Variants in VANGL1 observed in about 807,000 individuals in gnomAD.
The protein encoded by VANGL1 is vang-like protein 1.
A neutral mutation model predicts 48.4 loss-of-function variants in VANGL1; 18 were observed. The ratio of observed to expected loss-of-function variants is 0.37; its 90% CI spans 0.26 to 0.55. The LOEUF is 0.55. VANGL1 is among the 20% of genes least tolerant of loss of function. The pLI, the probability that VANGL1 is intolerant of heterozygous loss-of-function variation, is 0.81. For missense variants in VANGL1, 667 were observed against 675.8 expected, an observed-to-expected ratio of 0.99 and a Z score of 0.14; for synonymous variants, 257 against 261.8, an observed-to-expected ratio of 0.98 and a Z score of 0.18.
At chr1:115,655,481 A>T (rs1164739621) in intron 2 of VANGL1, among the ~76,000 whole-genome samples, 1 of 152,158 alleles carries the variant, frequency 6.6e-6, no homozygotes, top group Non-Finnish European at 1.5e-5. Flanking sequence ...CCTGCCCCTC[A>T]CACAACACGC....
intron 3 of VANGL1, among the ~76,000 whole-genome samples, chr1:115,662,615 C>T (rs1652601879): frequency 6.6e-6 from 1 of 152,154 alleles, no homozygotes; most frequent in East Asian, 1.9e-4. Context: ...CTGGTTGTTT[C>T]TATGCCCTTG....
Position 115,676,137 on chromosome 1 carries a change from G to A in VANGL1, c.813-6227G>A, listed in dbSNP as rs1653157547. On this transcript the variant is annotated intron_variant, in intron 4 of 7. Transcript: ENST00000355485. ...TCTCAACAACCACATGCAGTGGTTG[G>A]TGTTATCTCTTTATCAAAAGCCAAG... is the stretch of plus-strand genomic sequence containing the variant. Among the ~76,000 whole-genome samples, 2 of 152,102 alleles carry A rather than the reference G, an allele frequency of 1.3e-5. 1 individual carries two copies. The highest frequency in any genetic ancestry group is 4.2e-4 in the South Asian group (2 of 4,818).
chr1:115,694,140 A>C lies in VANGL1; in HGVS notation c.*2761A>C, dbSNP rs1653949315. 1 of 152,234 alleles carries C rather than the reference A, an allele frequency of 6.6e-6. No individual in the cohort carries two copies. Among genetic ancestry groups the C allele is most frequent in the Non-Finnish European group, 1.5e-5 (1 of 68,042 alleles). 9.4% of individuals were successfully genotyped at this position (152,234 alleles called of 1,614,324 possible). ...GTTAAAAAGTTCTGTATGCATTCTC[A>C]GAGAGGATTTTAAAGCTATATAGTT... On this transcript the variant is annotated 3_prime_UTR_variant, in exon 8 of 8. Transcript: ENST00000355485.
intron 1 of VANGL1, among the ~76,000 whole-genome samples, chr1:115,650,462 G>A (rs1255669543): frequency 6.6e-6 from 1 of 152,160 alleles, no homozygotes; most frequent in African/African-American, 2.4e-5. Flanking sequence ...AGACCCAGGA[G>A]CCTGCAAATA....
intron 2 of VANGL1, among the ~76,000 whole-genome samples, chr1:115,658,272 A>G (rs1652417379): frequency 6.6e-6 from 1 of 152,224 alleles, no homozygotes; most frequent in South Asian, 2.1e-4. Flanking sequence ...TCTTAAGCTA[A>G]GTAGTAGGTT....
At chr1:115,677,672 G>C (rs1653218414) in intron 4 of VANGL1, among the ~76,000 whole-genome samples, 3 of 152,172 alleles carry the variant, frequency 2.0e-5, no homozygotes, top group Non-Finnish European at 1.5e-5. Flanking sequence ...AGGTATGTTG[G>C]CATGTGGCAC....
chr1:115,675,603 C>G (rs1353043805), intron 4 of VANGL1, among the ~76,000 whole-genome samples: 3 of 152,024 alleles, frequency 2.0e-5, no homozygotes, highest in Non-Finnish European at 4.4e-5. Flanking sequence ...AGTGCAAGAC[C>G]AGCCTGGCCA....
intron 3 of VANGL1, among the ~76,000 whole-genome samples, chr1:115,660,342 C>T (rs145013143): frequency 6.0e-4 from 92 of 152,330 alleles, no homozygotes; most frequent in African/African-American, 2.2e-3. Context: ...CTATGGCTAA[C>T]TGGAGAATGC....
chr1:115,689,082 C>T (rs1399614939), intron 7 of VANGL1, among the ~76,000 whole-genome samples: 2 of 137,376 alleles, frequency 1.5e-5, no homozygotes, highest in Admixed American at 7.5e-5. Context: ...TGAGCCACTG[C>T]GCCCAGCCTA....
chr1:115,658,335 G>A (rs946799440), intron 2 of VANGL1, among the ~76,000 whole-genome samples: 4 of 152,154 alleles, frequency 2.6e-5, no homozygotes, highest in Non-Finnish European at 5.9e-5. Context: ...TTTCTCCAAG[G>A]TTATACACAC....
At position 115,685,500 on chromosome 1, in the gene VANGL1, C is replaced by T; in HGVS notation, c.1287C>T (p.Phe429=). ...SMESILQHLA[F]CITNGMTPKA... ...AGAGCATCCTGCAGCACCTGGCCTT[C>T]TGCATCACCAACGGCATGACCCCCA... is the stretch of plus-strand genomic sequence containing the variant. The change falls in exon 7 of 8, where the codon TTC becomes TTT. Residue 429 remains phenylalanine (F), a synonymous_variant. Coordinates refer to ENST00000355485, the MANE Select transcript of VANGL1 (RefSeq NM_138959.3). 1 of 1,614,120 alleles carries T rather than the reference C, an allele frequency of 6.2e-7. No homozygotes were observed. Among genetic ancestry groups the T allele is most frequent in the Non-Finnish European group, 8.5e-7 (1 of 1,180,034 alleles).
rs191339371 is a variant in VANGL1 at position 115,670,690 on chromosome 1, C to T, written c.812+6422C>T. Among the ~76,000 whole-genome samples the T allele has an allele frequency of 1.3e-3, 193 of 152,246 alleles. 1 individual carries two copies. The highest frequency in any genetic ancestry group is 3.4e-3 in the Middle Eastern group (1 of 294). On this transcript the variant is annotated intron_variant, in intron 4 of 7. Transcript: ENST00000355485. ...GAGAGCCCAGAGCCAGTGGCTGCAA[C>T]GTTGGGAAAATTCTTAAATGACCAT...
At chr1:115,673,594 CTTTTTTT>C (rs960453479) in intron 4 of VANGL1, among the ~76,000 whole-genome samples, 2 of 108,584 alleles carry the variant, frequency 1.8e-5, no homozygotes, top group Admixed American at 9.7e-5. Context: ...TGTATGTCCT[CTTTTTTT>C]TTTTTTTTTT....
chr1:115,688,803 T>A (rs1235856354), intron 7 of VANGL1, among the ~76,000 whole-genome samples: 3 of 134,424 alleles, frequency 2.2e-5, no homozygotes, highest in Non-Finnish European at 3.2e-5. Flanking sequence ...TTTTTTTTTT[T>A]CTTTGAGACG....
chr1:115,663,577 C>T, intron 3 of VANGL1, 84 bp from the exon 4 acceptor site: 1 of 1,588,842 alleles, frequency 6.3e-7, no homozygotes, highest in African/African-American at 1.3e-5. Flanking sequence ...TGGGTAGATG[C>T]AGCGGGCCCT....
At chr1:115,679,880 G>A (rs1021696151) in intron 4 of VANGL1, among the ~76,000 whole-genome samples, 28 of 152,188 alleles carry the variant, frequency 1.8e-4, no homozygotes, top group African/African-American at 6.3e-4. Context: ...GGGTCTGTGT[G>A]TATAAACTGA....
intron 1 of VANGL1, among the ~76,000 whole-genome samples, chr1:115,647,298 A>C (rs1222521628): frequency 1.3e-5 from 2 of 152,120 alleles, no homozygotes; most frequent in Non-Finnish European, 2.9e-5. Flanking sequence ...TCAGTGTATT[A>C]CCCTGGGAAC....
At chr1:115,643,038 A>T (rs550563073) in intron 1 of VANGL1, among the ~76,000 whole-genome samples, 30 of 152,328 alleles carry the variant, frequency 2.0e-4, no homozygotes, top group African/African-American at 7.2e-4. Context: ...CACGCTGCGA[A>T]GGTGTTGTGA....
intron 1 of VANGL1, among the ~76,000 whole-genome samples, chr1:115,644,286 G>T (rs1420908844): frequency 6.6e-6 from 1 of 152,148 alleles, no homozygotes; most frequent in East Asian, 1.9e-4. Context: ...CACTTGTTAT[G>T]CGGATTAAGT....
Sources: allele counts gnomAD v4.1 joint callset (sites outside exome capture counted in the v4.1 genomes callset), GRCh38; gene constraint gnomAD v4.1.1; transcripts MANE v1.5; gene names NCBI Gene and HGNC (gene_info 2026-07-23, HGNC 2026-07-21).